CACNA1I: variants seen among roughly 807,000 people sequenced by gnomAD.
CACNA1I encodes calcium voltage-gated channel subunit alpha1 I.
A neutral mutation model predicts 201.6 loss-of-function variants in CACNA1I; 74 were observed. The observed-to-expected ratio is 0.37, with a 90% CI of 0.30 to 0.45. The LOEUF (loss-of-function observed/expected upper bound fraction) is 0.45, where lower values mean the gene tolerates loss of function less well. Ranked by LOEUF, CACNA1I falls within the 20% of genes least tolerant of loss-of-function variation. The pLI, the probability that CACNA1I is intolerant of heterozygous loss-of-function variation, is 1.00. For missense variants in CACNA1I, 2,346 were observed against 3,138.1 expected, an observed-to-expected ratio of 0.75 and a Z score of 6.03; for synonymous variants, 1,431 against 1,345.2, an observed-to-expected ratio of 1.06 and a Z score of -1.40.
intron 1 of CACNA1I, among the ~76,000 whole-genome samples, chr22:39,579,885 G>A (rs1247208351): frequency 6.6e-6 from 1 of 152,172 alleles, no homozygotes; most frequent in Non-Finnish European, 1.5e-5. Flanking sequence ...CTGACCTCAA[G>A]CGATCCACCA....
At position 39,647,814 on chromosome 22, in the gene CACNA1I, C is replaced by T; in HGVS notation, c.1463-8C>T. 3 of 1,572,530 alleles carry T rather than the reference C, an allele frequency of 1.9e-6. No homozygotes were observed. Among genetic ancestry groups the T allele is most frequent in the Non-Finnish European group, 2.6e-6 (3 of 1,142,382 alleles). On this transcript the variant is annotated splice_polypyrimidine_tract_variant and splice_region_variant and intron_variant, in intron 8 of 36. Transcript: ENST00000402142. ...GGAGAAGATAGTAATATTATCTCCA[C>T]TTTTCAGATGGGAAGACTAAGGGTC...
Position 39,649,729 on chromosome 22 carries a change from A to G in CACNA1I, c.1796A>G (p.Asp599Gly). Residue 599 changes from aspartate to glycine, a missense_variant, in exon 10 of 37, where the codon GAC (aspartate) becomes GGC (glycine). Asp to Gly is a moderately conservative substitution (Grantham distance 94, BLOSUM62 -1). This residue lies in a region of CACNA1I where 312 missense variants were observed against 331.5 expected (regional missense o/e 0.94). Transcript: ENST00000402142. This position sits in a 1 kb window ranked among gnomAD's most constrained non-coding sequence, Gnocchi z 7.3. ...ADGDGARSSE[D>G]GASSELGKEE... ...GGGGACGGGGCCCGGAGCAGCGAGG[A>G]CGGAGCCTCCTCAGAACTGGGGAAG... The G allele has an allele frequency of 6.4e-7, 1 of 1,554,984 alleles. No homozygotes were observed. Among genetic ancestry groups the G allele is most frequent in the Non-Finnish European group, 8.7e-7 (1 of 1,150,304 alleles).
At chr22:39,601,141 G>A (rs957782969) in intron 3 of CACNA1I, among the ~76,000 whole-genome samples, 11 of 152,130 alleles carry the variant, frequency 7.2e-5, no homozygotes, top group African/African-American at 1.9e-4. Context: ...CATCTGGAGC[G>A]TCTGTGACCC....
chr22:39,620,280 C>G lies in CACNA1I; in HGVS notation c.580+873C>G, dbSNP rs555176435. Among the ~76,000 whole-genome samples the G allele has an allele frequency of 8.0e-5, 5 of 62,188 alleles. No homozygotes were observed. In the South Asian group the frequency reaches 2.1e-3, roughly 26 times the overall value. The allele number at this position is 62,188 out of a possible 152,430, so 40.8% of individuals were successfully genotyped here. The stretch of plus-strand genomic sequence containing the variant: ...CCATCCATCCATCCATCCATCCATA[C>G]GTACATACATACATCTGCTCATCTT... On this transcript the variant is annotated intron_variant, in intron 4 of 36. Transcript: ENST00000402142.
At position 39,595,625 on chromosome 22, in the gene CACNA1I, CAA is replaced by C. The variant is rs132586; in HGVS notation, c.237-2512_237-2511del. Among the ~76,000 whole-genome samples the C allele has an allele frequency of 1.8e-3, 261 of 145,008 alleles. 1 individual carries two copies. The highest frequency in any genetic ancestry group is 3.1e-3 in the South Asian group (14 of 4,580). On this transcript the variant is annotated intron_variant, in intron 1 of 36. Coordinates refer to ENST00000402142, the MANE Select transcript of CACNA1I (RefSeq NM_021096.4). ...GGGCAATAAAAGTGAAACTCCATCT[CAA>C]AAAAAAAAAAAAATTAGAATCACGT...
In CACNA1I at chr22:39,592,826, G is replaced by A. The variant is rs537705396; in HGVS notation, c.237-5325G>A. The stretch of plus-strand genomic sequence containing the variant: ...GAAGCATGAGGCGTCAGGCCAGGCT[G>A]CAGAGTGGCTCAAGCCGGAGACCTT... On this transcript the variant is annotated intron_variant, in intron 1 of 36. Transcript: ENST00000402142. Among the ~76,000 whole-genome samples, 5 of 152,340 alleles carry A rather than the reference G, an allele frequency of 3.3e-5. No individual in the cohort carries two copies. In the South Asian group the frequency reaches 8.3e-4, roughly 25 times the overall value.
In CACNA1I at chr22:39,679,336, C is replaced by G; in HGVS notation, c.5285C>G (p.Pro1762Arg). The G allele has an allele frequency of 1.3e-6, 2 of 1,546,676 alleles. No homozygotes were observed. The highest frequency in any genetic ancestry group is 1.4e-5 in the African/African-American group (1 of 72,794). ...ATGGCCCATGGCCTGGGCCCTGGCC[C>G]GAGGCTGCCTACCGGCTCCCCGGGC... ...LEMAHGLGPG[P>R]RLPTGSPGAP... Residue 1762 changes from proline (P) to arginine (R), a missense_variant, in exon 32 of 37, where the codon CCG becomes CGG. Pro to Arg is a moderately radical substitution (Grantham distance 103). Coordinates refer to ENST00000402142, the MANE Select transcript of CACNA1I (RefSeq NM_021096.4).
intron 33 of CACNA1I, among the ~76,000 whole-genome samples, 185 bp downstream of exon 33, chr22:39,680,053 G>A (rs1935655703): frequency 6.6e-6 from 1 of 152,200 alleles, no homozygotes; most frequent in African/African-American, 2.4e-5. Flanking sequence ...TGGGCCTGTG[G>A]TGTGGTGGCC....
Position 39,663,728 on chromosome 22 carries a change from C to T in CACNA1I, c.3484C>T (p.Leu1162=), listed in dbSNP as rs772790738. 5.2e-5 allele frequency: 83 copies of T among 1,589,240 alleles called. No homozygotes were observed. In the East Asian group the frequency reaches 1.8e-3, roughly 35 times the overall value. ...GCCCACCCTGCCCAGGTTCCGGGTC[C>T]TGTGTCAGACCATTATTGCCCACAA... ...LFSPENRFRV[L]CQTIIAHKLF... The change falls in exon 19 of 37, where the codon CTG becomes TTG. Residue 1162 remains leucine, a synonymous_variant. Coordinates refer to ENST00000402142, the MANE Select transcript of CACNA1I (RefSeq NM_021096.4).
chr22:39,664,256 G>A, intron 20 of CACNA1I, 97 bp downstream of exon 20: 1 of 1,038,684 alleles, frequency 9.6e-7, no homozygotes, highest in Non-Finnish European at 1.4e-6. Flanking sequence ...CCTGCCATCG[G>A]CTTCATTTCA....
chr22:39,610,871 A>C (rs564533862), intron 3 of CACNA1I, among the ~76,000 whole-genome samples: 5 of 151,978 alleles, frequency 3.3e-5, no homozygotes, highest in Non-Finnish European at 7.4e-5. Context: ...AGCAGTTCCA[A>C]TCAGTCCTGG....
At chr22:39,608,671 TAA>T (rs762238457) in intron 3 of CACNA1I, among the ~76,000 whole-genome samples, 3 of 121,908 alleles carry the variant, frequency 2.5e-5, no homozygotes. Flanking sequence ...AAACCACAGC[TAA>T]AAAAAAAAAA....
At chr22:39,579,396 T>G (rs563688010) in intron 1 of CACNA1I, among the ~76,000 whole-genome samples, 34 of 152,336 alleles carry the variant, frequency 2.2e-4, no homozygotes, top group African/African-American at 8.2e-4. Context: ...GTAAGAGCCA[T>G]CCCTACCCTA....
chr22:39,661,045 C>T, intron 15 of CACNA1I, 63 bp from the exon 16 acceptor site: 1 of 1,329,038 alleles, frequency 7.5e-7, no homozygotes. Flanking sequence ...TCGTGGCTCC[C>T]TTGCTGTTGT....
chr22:39,592,913 G>T (rs1932838990), intron 1 of CACNA1I, among the ~76,000 whole-genome samples: 1 of 152,216 alleles, frequency 6.6e-6, no homozygotes, highest in Non-Finnish European at 1.5e-5. Flanking sequence ...AAGGAGGGCT[G>T]GTGCTTTTGA....
rs73424153 is a variant in CACNA1I, at chr22:39,625,790, T to C, written c.580+6383T>C. Among the ~76,000 whole-genome samples the C allele has an allele frequency of 5.3e-3, 801 of 152,050 alleles. 10 individuals are homozygous for C. The highest frequency in any genetic ancestry group is 0.018 in the African/African-American group (753 of 41,456). On this transcript the variant is annotated intron_variant, in intron 4 of 36. Transcript: ENST00000402142. ...CCTTTCCTAAGTCACCGCCTCTCTC[T>C]GGGCCTTGGCAAGATGGGGCTGAAT...
chr22:39,662,006 C>T lies in CACNA1I; in HGVS notation c.2943C>T (p.Ser981=). ...CCTACTACGGGCCATGGGGCCGCAG[C>T]GCGGCCTGGGCCAGCCGTCGCTCCA... ...RSSYYGPWGR[S]AAWASRRSSW... is the part of the protein sequence containing the mutation. Residue 981 remains serine (S), a synonymous_variant, in exon 17 of 37, where the codon AGC becomes AGT. Transcript: ENST00000402142. The T allele has an allele frequency of 6.4e-7, 1 of 1,563,090 alleles. No individual in the cohort carries two copies.
At chr22:39,656,387 GCT>G (rs1214388565) in intron 10 of CACNA1I, 2 of 518,922 alleles carry the variant, frequency 3.9e-6, no homozygotes, top group Non-Finnish European at 7.7e-6. Context: ...CCTGGCGCCA[GCT>G]CTCTCTTAGC....
rs940845315 is a variant in CACNA1I at position 39,659,668 on chromosome 22, C to T, written c.2449-29C>T. On this transcript the variant is annotated intron_variant, in intron 13 of 36. Coordinates refer to ENST00000402142, the MANE Select transcript of CACNA1I (RefSeq NM_021096.4). The surrounding 1 kb of genome is among the most constrained non-coding windows in gnomAD (Gnocchi z 4.3). ...AGAGCCTAGCCCTGGACTAGGGGTACCCCAGGGCTAACTGTGTCTCCCCAA... is the reference window on the plus strand; with the variant it reads ...AGAGCCTAGCCCTGGACTAGGGGTATCCCAGGGCTAACTGTGTCTCCCCAA... The T allele has an allele frequency of 1.2e-6, 2 of 1,612,618 alleles. No individual in the cohort carries two copies. Among genetic ancestry groups the T allele is most frequent in the Non-Finnish European group, 1.7e-6 (2 of 1,178,912 alleles).
Sources: gnomAD v4.1 joint callset for allele counts (sites outside exome capture counted in the v4.1 genomes callset) on GRCh38, gnomAD v4.1.1 for gene constraint, gnomAD v4.1.1 regional missense constraint, Gnocchi (gnomAD v3.1) non-coding constraint, MANE v1.5 for transcripts, NCBI Gene and HGNC (gene_info 2026-07-23, HGNC 2026-07-21) for gene names.